The following ZFHX3 variants were observed in gnomAD, a reference collection of about 807,000 sequenced individuals.
ZFHX3 encodes zinc finger homeobox 3, also known as zinc finger homeobox protein 3.
Under a neutral mutation model 279.1 loss-of-function variants are expected in ZFHX3, and 42 were observed. That is an observed-to-expected ratio of 0.15 (90% CI 0.12 to 0.19). The LOEUF (loss-of-function observed/expected upper bound fraction) is 0.19, where lower values mean the gene tolerates loss of function less well. Among genes scored for constraint, ZFHX3 ranks in the 10% least tolerant of loss-of-function variants. ZFHX3 has a pLI of 1.00. For synonymous variants in ZFHX3, 2,293 were observed against 1,957.8 expected, an observed-to-expected ratio of 1.17 and a Z score of -4.52; for missense variants, 4,981 against 4,754.0, an observed-to-expected ratio of 1.05 and a Z score of -1.40.
rs201670142 is a variant in ZFHX3, at chr16:73,834,914, G to C, written c.-1608+56737C>G. 1.5e-4 allele frequency among the ~76,000 whole-genome samples: 22 copies of C among 146,164 alleles called. No homozygotes were observed. The East Asian group carries it at 4.4e-3, about 29-fold the overall frequency. On this transcript the variant is annotated intron_variant, in intron 1 of 17. Coordinates refer to the ZFHX3 transcript ENST00000641206. ...AAAAAAAAAAGAAGCGTCTCCCCCC[G>C]TGGGGTCTGCCACATATACTCCATT...
In ZFHX3 at chr16:72,958,464, A is replaced by G. The variant is rs759444835; in HGVS notation, c.1682T>C (p.Phe561Ser). 1.1e-5 allele frequency: 18 copies of G among 1,614,144 alleles called. No individual in the cohort carries two copies. Among genetic ancestry groups the G allele is most frequent in the Admixed American group, 5.0e-5 (3 of 60,030 alleles). Residue 561 changes from phenylalanine to serine, a missense_variant, in exon 2 of 10, where the codon TTT becomes TCT. Phe to Ser is a radical substitution (Grantham distance 155, BLOSUM62 -2). Around this residue, in one of 7 missense-constraint regions of ZFHX3, gnomAD observed 1,068 missense variants for 935.2 expected, o/e 1.14. Transcript: ENST00000268489. ...SSNSASSFVV[F>S]DGANRRNRLS... ...ACGATTCCTCCTGTTCGCACCATCA[A>G]AGACAACAAAGGAAGAAGCAGAATT...
chr16:72,851,122 C>T (rs1450596667), intron 4 of ZFHX3, among the ~76,000 whole-genome samples: 1 of 152,126 alleles, frequency 6.6e-6, no homozygotes, highest in South Asian at 2.1e-4. Flanking sequence ...AACGTCATCA[C>T]TTCCATGTTC....
intron 2 of ZFHX3, among the ~76,000 whole-genome samples, chr16:73,533,090 C>T (rs553734114): frequency 5.8e-4 from 88 of 152,242 alleles, no homozygotes; most frequent in African/African-American, 2.0e-3. Flanking sequence ...ATCTCAAATG[C>T]GCTGTTACGC....
At chr16:73,121,166 G>A (rs991224948) in intron 7 of ZFHX3, among the ~76,000 whole-genome samples, 2 of 152,096 alleles carry the variant, frequency 1.3e-5, no homozygotes, top group Non-Finnish European at 2.9e-5. Context: ...GTTAAACACA[G>A]CTTTATTGCT....
At chr16:73,272,258 T>A (rs948425716) in intron 4 of ZFHX3, among the ~76,000 whole-genome samples, 9 of 152,364 alleles carry the variant, frequency 5.9e-5, no homozygotes, top group African/African-American at 2.2e-4. Flanking sequence ...TTTTTTTAAA[T>A]GACTTTACAT....
chr16:73,617,236 G>A (rs1450448426), intron 2 of ZFHX3, among the ~76,000 whole-genome samples: 1 of 152,220 alleles, frequency 6.6e-6, no homozygotes, highest in Non-Finnish European at 1.5e-5. Flanking sequence ...TGCTTATAAG[G>A]TGGGAATCTA....
chr16:72,934,176 A>G (rs1158501159), intron 3 of ZFHX3, among the ~76,000 whole-genome samples: 2 of 152,134 alleles, frequency 1.3e-5, no homozygotes, highest in African/African-American at 4.8e-5. Context: ...TGTAATTCCA[A>G]TACTTTAGGA....
At chr16:73,468,201 C>G (rs1197850219) in intron 2 of ZFHX3, among the ~76,000 whole-genome samples, 2 of 152,198 alleles carry the variant, frequency 1.3e-5, no homozygotes, top group African/African-American at 4.8e-5. Flanking sequence ...AACTCTGGTC[C>G]TTTCCTGCTC....
At chr16:73,059,754 G>A (rs1358496021), upstream of ZFHX3, 3 of 152,114 alleles carry the variant, frequency 2.0e-5, no homozygotes, top group Non-Finnish European at 2.9e-5. Flanking sequence ...ATCAGAGGAC[G>A]AATGAAGAAA....
At chr16:73,517,729 G>A (rs2019546867) in intron 2 of ZFHX3, among the ~76,000 whole-genome samples, 1 of 152,176 alleles carries the variant, frequency 6.6e-6, no homozygotes, top group Non-Finnish European at 1.5e-5. Flanking sequence ...AAAAAGGAGA[G>A]AATATAAATT....
intron 2 of ZFHX3, among the ~76,000 whole-genome samples, chr16:73,604,834 C>A (rs923229433): frequency 1.3e-5 from 2 of 151,870 alleles, no homozygotes; most frequent in African/African-American, 4.8e-5. Context: ...TGGCTCCAGG[C>A]TTCCTATAAG....
chr16:73,243,689 C>T (rs1024087484), intron 5 of ZFHX3, among the ~76,000 whole-genome samples: 10 of 152,046 alleles, frequency 6.6e-5, no homozygotes, highest in African/African-American at 2.4e-5. Flanking sequence ...GATTTCACCA[C>T]GCTATAGACA....
chr16:73,620,310 A>G (rs2052345666), intron 2 of ZFHX3, among the ~76,000 whole-genome samples: 1 of 152,240 alleles, frequency 6.6e-6, no homozygotes, highest in Non-Finnish European at 1.5e-5. Flanking sequence ...TATAAAGTGA[A>G]GCACTGATTT....
intron 2 of ZFHX3, among the ~76,000 whole-genome samples, chr16:73,488,620 A>T (rs540247336): frequency 2.0e-5 from 3 of 152,326 alleles, no homozygotes; most frequent in East Asian, 3.9e-4. Flanking sequence ...AGCTTCAATT[A>T]TCAAGTTTCC....
chr16:73,872,383 G>A (rs761930062), intron 1 of ZFHX3, among the ~76,000 whole-genome samples: 18 of 151,838 alleles, frequency 1.2e-4, no homozygotes, highest in Non-Finnish European at 2.5e-4. Context: ...CTGCCACCAT[G>A]CCCAGTTAAC....
At chr16:73,584,210 C>T (rs755904030) in intron 2 of ZFHX3, among the ~76,000 whole-genome samples, 37 of 151,896 alleles carry the variant, frequency 2.4e-4, no homozygotes, top group African/African-American at 5.6e-4. Flanking sequence ...GAGTCCCAAA[C>T]GATGAGAAAG....
chr16:73,457,286 T>C (rs985771395), intron 2 of ZFHX3, among the ~76,000 whole-genome samples: 1 of 152,190 alleles, frequency 6.6e-6, no homozygotes, highest in African/African-American at 2.4e-5. Context: ...GAGAAAATGC[T>C]GGCATCAGGA....
At position 73,217,378 on chromosome 16, in the gene ZFHX3, A is replaced by G. The variant is rs113586730; in HGVS notation, c.-1104+39669T>C. Among the ~76,000 whole-genome samples, 85 of 152,320 alleles carry G rather than the reference A, an allele frequency of 5.6e-4. 1 individual carries two copies. Among genetic ancestry groups the G allele is most frequent in the African/African-American group, 1.5e-3 (64 of 41,570 alleles). ...CCTTTGAAATTCAACACAAGGCAAC[A>G]TGCAACCCACCAAAATCTGAGTCAA... is the stretch of plus-strand genomic sequence containing the variant. On this transcript the variant is annotated intron_variant, in intron 5 of 17. Coordinates refer to the ZFHX3 transcript ENST00000641206.
chr16:73,551,741 T>G (rs766128772), intron 2 of ZFHX3, among the ~76,000 whole-genome samples: 6 of 152,228 alleles, frequency 3.9e-5, no homozygotes, highest in Non-Finnish European at 8.8e-5. Context: ...AATTAGAACA[T>G]GTACCCACAG....
Sources: gnomAD v4.1 joint callset for allele counts (sites outside exome capture counted in the v4.1 genomes callset) on GRCh38, gnomAD v4.1.1 for gene constraint, gnomAD v4.1.1 regional missense constraint, MANE v1.5 for transcripts, NCBI Gene and HGNC (gene_info 2026-07-23, HGNC 2026-07-21) for gene names.